BNC2: variants seen among roughly 807,000 people sequenced by gnomAD.
BNC2 encodes the protein zinc finger protein basonuclin-2.
Under a neutral mutation model 76.3 loss-of-function variants are expected in BNC2, and 20 were observed. The observed-to-expected ratio is 0.26, with a 90% CI of 0.18 to 0.38. The LOEUF (loss-of-function observed/expected upper bound fraction) is 0.38. Ranked by LOEUF, BNC2 falls within the 10% of genes least tolerant of loss-of-function variation. BNC2 has a pLI of 1.00. For missense variants in BNC2, 1,382 were observed against 1,399.8 expected, an observed-to-expected ratio of 0.99 and a Z score of 0.20; for synonymous variants, 582 against 514.8, an observed-to-expected ratio of 1.13 and a Z score of -1.77.
At chr9:16,537,449 C>T (rs1285229650) in intron 5 of BNC2, among the ~76,000 whole-genome samples, 1 of 152,050 alleles carries the variant, frequency 6.6e-6, no homozygotes, top group Non-Finnish European at 1.5e-5. Flanking sequence ...CTCCCAAGCC[C>T]TCCTCAATAG....
At chr9:16,816,263 C>T (rs1476555869) in intron 1 of BNC2, among the ~76,000 whole-genome samples, 1 of 152,106 alleles carries the variant, frequency 6.6e-6, no homozygotes, top group African/African-American at 2.4e-5. Context: ...ATTAAGACCT[C>T]TTTTTAACCA....
chr9:16,735,961 C>T (rs144803120), intron 2 of BNC2, among the ~76,000 whole-genome samples: 92 of 151,644 alleles, frequency 6.1e-4, no homozygotes, highest in Middle Eastern at 3.4e-3. Flanking sequence ...AGGCCAGGTG[C>T]GGTGGCTCAC....
intron 1 of BNC2, among the ~76,000 whole-genome samples, chr9:16,753,618 C>A (rs1825285998): frequency 6.6e-6 from 1 of 152,138 alleles, no homozygotes; most frequent in South Asian, 2.1e-4. Flanking sequence ...AATCACACTG[C>A]CAACGGGTAA....
chr9:16,665,493 AG>A, intron 3 of BNC2, among the ~76,000 whole-genome samples: 2 of 146,120 alleles, frequency 1.4e-5, no homozygotes, highest in Admixed American at 6.7e-5. Context: ...AAAGAAAGAG[AG>A]AGAGAGAAAT....
chr9:16,639,513 T>A (rs1390318624), intron 3 of BNC2, among the ~76,000 whole-genome samples: 2 of 152,200 alleles, frequency 1.3e-5, no homozygotes, highest in East Asian at 3.8e-4. Flanking sequence ...TATCTTTATG[T>A]TAGTGCCTCT....
chr9:16,845,901 G>C (rs1227293875), intron 1 of BNC2, among the ~76,000 whole-genome samples: 1 of 151,966 alleles, frequency 6.6e-6, no homozygotes, highest in Admixed American at 6.6e-5. Context: ...TGTAATCCCA[G>C]CACTTTGGGA....
At chr9:16,574,031 G>A (rs1819411913) in intron 4 of BNC2, among the ~76,000 whole-genome samples, 1 of 152,178 alleles carries the variant, frequency 6.6e-6, no homozygotes, top group Non-Finnish European at 1.5e-5. Flanking sequence ...AGAGAAGGAA[G>A]AGTGGTTGAA....
At chr9:16,433,727 C>T (rs779431407) in intron 6 of BNC2, among the ~76,000 whole-genome samples, 4 of 152,142 alleles carry the variant, frequency 2.6e-5, no homozygotes, top group Non-Finnish European at 4.4e-5. Context: ...TTTGGTCTCA[C>T]AGCTATTTAT....
chr9:16,771,275 T>G (rs904073768), intron 1 of BNC2, among the ~76,000 whole-genome samples: 2 of 152,136 alleles, frequency 1.3e-5, no homozygotes, highest in Non-Finnish European at 2.9e-5. Context: ...AAAAAAGGTA[T>G]CAATTTGCTG....
intron 3 of BNC2, among the ~76,000 whole-genome samples, chr9:16,703,560 T>A (rs1317018355): frequency 6.6e-6 from 1 of 152,162 alleles, no homozygotes; most frequent in Non-Finnish European, 1.5e-5. Flanking sequence ...ACAGCTTGAT[T>A]TTCCTATGGA....
intron 3 of BNC2, chr9:16,727,136 C>CGGGA (rs1414918429): frequency 2.0e-5 from 3 of 153,052 alleles, no homozygotes; most frequent in Non-Finnish European, 4.4e-5. Flanking sequence ...GGCGGGCGGG[C>CGGGA]GGGAGAGCGG....
In BNC2 at chr9:16,552,731, G is replaced by A; in HGVS notation, c.468C>T (p.His156=). 6.2e-7 allele frequency: 1 copy of A among 1,614,172 alleles called. No individual in the cohort carries two copies. Among genetic ancestry groups the A allele is most frequent in the Non-Finnish European group, 8.5e-7 (1 of 1,180,032 alleles). ...LDKLSTQHLY[H]PTQVEIVQSN... ...ACTGCACAATCTCCACTTGGGTGGG[G>A]TGGTACAGGTGCTGCGTGCTGAGCT... The change falls in exon 5 of 7, where the codon CAC becomes CAT. Residue 156 remains histidine (H), a synonymous_variant. Transcript: ENST00000380672.
At chr9:16,536,115 C>T (rs950079507) in intron 5 of BNC2, among the ~76,000 whole-genome samples, 5 of 152,040 alleles carry the variant, frequency 3.3e-5, no homozygotes, top group Non-Finnish European at 7.4e-5. Flanking sequence ...GAATTTAAAC[C>T]ACTATTAATA....
chr9:16,797,314 T>TACAATG (rs1287916637), intron 1 of BNC2, among the ~76,000 whole-genome samples: 2 of 152,164 alleles, frequency 1.3e-5, no homozygotes, highest in African/African-American at 4.8e-5. Context: ...TTCTCCACTA[T>TACAATG]ACAATGGAAA....
chr9:16,431,328 C>T, intron 6 of BNC2: 1 of 322,296 alleles, frequency 3.1e-6, no homozygotes, highest in Non-Finnish European at 7.0e-6. Context: ...AAATGGGTGA[C>T]CTATGCCACT....
intron 3 of BNC2, among the ~76,000 whole-genome samples, chr9:16,591,793 CTT>C (rs1819937082): frequency 6.6e-6 from 1 of 152,100 alleles, no homozygotes; most frequent in Non-Finnish European, 1.5e-5. Flanking sequence ...AAGTATGTCT[CTT>C]ATTTGGTGGT....
intron 5 of BNC2, among the ~76,000 whole-genome samples, chr9:16,508,585 C>G (rs551896416): frequency 6.6e-6 from 1 of 152,236 alleles, no homozygotes; most frequent in East Asian, 1.9e-4. Context: ...TTTATTATGG[C>G]CAGAATTCTT....
rs187666174 is a variant in BNC2 at position 16,632,319 on chromosome 9, T to G, written c.331-49234A>C. ...CCTCTGTCCCTCCAGGAGTTCACTTTCCGTGGATCCCCCACATTCGGTAAT... is the reference window on the plus strand; with the variant it reads ...CCTCTGTCCCTCCAGGAGTTCACTTGCCGTGGATCCCCCACATTCGGTAAT... On this transcript the variant is annotated intron_variant, in intron 3 of 6. Coordinates refer to ENST00000380672, the MANE Select transcript of BNC2 (RefSeq NM_017637.6). Among the ~76,000 whole-genome samples the G allele has an allele frequency of 3.0e-3, 460 of 152,264 alleles. 1 individual carries two copies. Among genetic ancestry groups the G allele is most frequent in the Middle Eastern group, 6.8e-3 (2 of 294 alleles).
At chr9:16,495,626 C>T (rs1822372326) in intron 5 of BNC2, among the ~76,000 whole-genome samples, 1 of 152,192 alleles carries the variant, frequency 6.6e-6, no homozygotes, top group Non-Finnish European at 1.5e-5. Context: ...CACGGCCAAG[C>T]CATGTGCTCT....
Sources: gnomAD v4.1 joint callset for allele counts (sites outside exome capture counted in the v4.1 genomes callset) on GRCh38, gnomAD v4.1.1 for gene constraint, MANE v1.5 for transcripts, NCBI Gene and HGNC (gene_info 2026-07-23, HGNC 2026-07-21) for gene names.